DIAPH2: variants seen among roughly 807,000 people sequenced by gnomAD.
The protein encoded by DIAPH2 is diaphanous related formin 2, also known as protein diaphanous homolog 2.
A neutral mutation model predicts 92.7 loss-of-function variants in DIAPH2; 35 were observed. The ratio of observed to expected loss-of-function variants is 0.38; its 90% CI spans 0.29 to 0.50. The LOEUF (loss-of-function observed/expected upper bound fraction) is 0.50. Among genes scored for constraint, DIAPH2 ranks in the 20% least tolerant of loss-of-function variants. The pLI is 0.94. For missense variants in DIAPH2, 701 were observed against 819.5 expected (o/e 0.86, Z 1.77); for synonymous variants, 301 against 280.4 (o/e 1.07, Z -0.73).
At chrX:97,111,369 C>G (rs1342870619) in intron 20 of DIAPH2, among the ~76,000 whole-genome samples, 1 of 111,805 alleles carries the variant, frequency 8.9e-6, no homozygotes, top group Admixed American at 9.5e-5. Context: ...GCCCCTGCTG[C>G]CTTAGTCCCT....
At chrX:96,749,149 T>C (rs5990656) in intron 3 of DIAPH2, among the ~76,000 whole-genome samples, 1 of 72,024 alleles carries the variant, frequency 1.4e-5, no homozygotes, top group Admixed American at 1.8e-4. Context: ...AAAAAAAATA[T>C]ATATATATAT....
intron 5 of DIAPH2, among the ~76,000 whole-genome samples, chrX:96,898,316 G>T (rs1462819166): frequency 9.6e-6 from 1 of 104,436 alleles, no homozygotes; most frequent in African/African-American, 3.4e-5. Context: ...CTTCCGCAAT[G>T]GTTGAACCAG....
chrX:97,474,021 A>G (rs1337970375), intron 26 of DIAPH2, among the ~76,000 whole-genome samples: 1 of 112,597 alleles, frequency 8.9e-6, no homozygotes, highest in Non-Finnish European at 1.9e-5. Flanking sequence ...CTCTCCATAA[A>G]TAAAGTTTTT....
intron 22 of DIAPH2, among the ~76,000 whole-genome samples, chrX:97,200,314 G>T (rs2067736826): frequency 8.9e-6 from 1 of 111,911 alleles, no homozygotes; most frequent in African/African-American, 3.2e-5. Flanking sequence ...GTACCCCGGC[G>T]GTGCCTGGAA....
intron 19 of DIAPH2, among the ~76,000 whole-genome samples, chrX:97,098,790 C>G (rs1230020396): frequency 8.9e-6 from 1 of 112,820 alleles, no homozygotes; most frequent in Non-Finnish European, 1.9e-5. Context: ...ACCTAATTGC[C>G]CCTCAAAGGC....
chrX:97,348,421 C>A lies in DIAPH2; in HGVS notation c.3009+141C>A, dbSNP rs1375472277. ...AATAAGAATTGACAGATATTTTATA[C>A]CTGTGACATGGATAAAAATTAAGTT... On this transcript the variant is annotated intron_variant, in intron 24 of 26. Transcript: ENST00000324765. The A allele has an allele frequency of 1.2e-5, 6 of 515,498 alleles. No individual in the cohort carries two copies. The Admixed American group carries it at 1.8e-4, about 16-fold the overall frequency. The allele number at this position is 515,498 out of a possible 1,213,427, so 42.5% of individuals were successfully genotyped here.
chrX:96,957,951 C>G lies in DIAPH2; in HGVS notation c.1738C>G (p.Pro580Ala). 1 of 1,210,381 alleles carries G rather than the reference C, an allele frequency of 8.3e-7. No homozygotes were observed. The highest frequency in any genetic ancestry group is 1.1e-6 in the Non-Finnish European group (1 of 894,900). Residue 580 changes from proline (P) to alanine (A), a missense_variant, in exon 16 of 27, where the codon CCA (proline) becomes GCA (alanine). By Grantham distance (27) the Pro-to-Ala change is conservative. Transcript: ENST00000324765. The stretch of plus-strand genomic sequence containing the variant: ...ACCCGGAGGAGCTCCTCTTCCTCCT[C>G]CACCACCTCCTTTACCTGGAATGAT... ...PLPGGAPLPP[P>A]PPPLPGMMGI...
intron 26 of DIAPH2, among the ~76,000 whole-genome samples, chrX:97,457,943 C>T (rs762024069): frequency 9.0e-6 from 1 of 111,668 alleles, no homozygotes; most frequent in Admixed American, 9.5e-5. Context: ...CAATAAATAC[C>T]ACTGGGTATG....
At chrX:97,327,362 G>C (rs754114731) in intron 23 of DIAPH2, among the ~76,000 whole-genome samples, 1 of 111,363 alleles carries the variant, frequency 9.0e-6, no homozygotes, top group African/African-American at 3.3e-5. Flanking sequence ...GCCTCCCAAA[G>C]TGCTAGGATT....
chrX:97,527,466 T>C (rs185537679), intron 26 of DIAPH2, among the ~76,000 whole-genome samples: 1 of 111,995 alleles, frequency 8.9e-6, no homozygotes, highest in East Asian at 2.8e-4. Flanking sequence ...TGTAGACAGA[T>C]GTAGGGCATA....
chrX:97,034,077 TAGTG>T (rs1237329175), intron 17 of DIAPH2, among the ~76,000 whole-genome samples: 1 of 43,557 alleles, frequency 2.3e-5, no homozygotes, highest in African/African-American at 8.9e-5. Context: ...CAGACATTGT[TAGTG>T]TGTGCATTTT....
chrX:97,498,753 A>G (rs2070776400), intron 26 of DIAPH2, among the ~76,000 whole-genome samples: 1 of 111,828 alleles, frequency 8.9e-6, no homozygotes, highest in Admixed American at 9.6e-5. Flanking sequence ...TGCCAATGAA[A>G]TCACAGCACA....
At chrX:97,405,884 T>C (rs2069805202) in intron 25 of DIAPH2, among the ~76,000 whole-genome samples, 1 of 111,584 alleles carries the variant, frequency 9.0e-6, no homozygotes, top group Non-Finnish European at 1.9e-5. Context: ...GAAACTCAGA[T>C]TCTACCTTAG....
At chrX:96,962,596 T>A (rs2065871640) in intron 16 of DIAPH2, among the ~76,000 whole-genome samples, 1 of 101,611 alleles carries the variant, frequency 9.8e-6, no homozygotes, top group Non-Finnish European at 2.0e-5. Context: ...TACTCCTCAC[T>A]TTTGGTTACC....
chrX:96,850,178 G>A (rs768560787), intron 4 of DIAPH2, among the ~76,000 whole-genome samples: 1 of 111,419 alleles, frequency 9.0e-6, no homozygotes, highest in African/African-American at 3.3e-5. Flanking sequence ...AGTATTGGCT[G>A]CCATAGTGTA....
At chrX:97,279,003 A>G (rs1304516735) in intron 23 of DIAPH2, among the ~76,000 whole-genome samples, 1 of 112,341 alleles carries the variant, frequency 8.9e-6, no homozygotes, top group African/African-American at 3.2e-5. Flanking sequence ...GATGTGCTAG[A>G]TGAGTTCTGA....
At chrX:97,000,602 C>T (rs2066137076) in intron 17 of DIAPH2, among the ~76,000 whole-genome samples, 1 of 101,627 alleles carries the variant, frequency 9.8e-6, no homozygotes, top group Non-Finnish European at 2.1e-5. Context: ...CAAGATGCCA[C>T]CCCCACATAC....
At chrX:96,830,115 A>G (rs2064842075) in intron 4 of DIAPH2, among the ~76,000 whole-genome samples, 3 of 111,556 alleles carry the variant, frequency 2.7e-5, no homozygotes, top group African/African-American at 9.8e-5. Context: ...TTACTGTATG[A>G]TAGATGAGGC....
At chrX:97,345,513 A>G (rs1369084382) in intron 23 of DIAPH2, among the ~76,000 whole-genome samples, 1 of 111,748 alleles carries the variant, frequency 8.9e-6, no homozygotes, top group Non-Finnish European at 1.9e-5. Context: ...CACAGTGAAG[A>G]ATTCAGAAAA....
Sources: gnomAD v4.1 joint callset for allele counts (sites outside exome capture counted in the v4.1 genomes callset) on GRCh38, gnomAD v4.1.1 for gene constraint, MANE v1.5 for transcripts, NCBI Gene and HGNC (gene_info 2026-07-23, HGNC 2026-07-21) for gene names.